Variants in MDN1 observed in about 807,000 individuals in gnomAD.
MDN1 encodes midasin.
Under a neutral mutation model 669.2 loss-of-function variants are expected in MDN1, and 266 were observed. That is an observed-to-expected ratio of 0.40 (90% CI 0.36 to 0.44). The LOEUF (loss-of-function observed/expected upper bound fraction) is 0.44, where lower values mean the gene tolerates loss of function less well. MDN1 is among the 20% of genes least tolerant of loss of function. The pLI, the probability that MDN1 is intolerant of heterozygous loss-of-function variation, is 1.00. For missense variants in MDN1, 5,940 were observed against 6,754.0 expected, an observed-to-expected ratio of 0.88 and a Z score of 4.22; for synonymous variants, 2,385 against 2,457.1, an observed-to-expected ratio of 0.97 and a Z score of 0.87.
intron 20 of MDN1, 56 bp from the exon 21 acceptor site, chr6:89,754,286 T>G (rs1469125990): frequency 6.5e-7 from 1 of 1,547,914 alleles, no homozygotes; most frequent in African/African-American, 1.4e-5. Context: ...TCCAGTATTA[T>G]CAATTCTCTA....
intron 15 of MDN1, 82 bp downstream of exon 15, chr6:89,771,479 G>A: frequency 8.2e-7 from 1 of 1,213,854 alleles, no homozygotes; most frequent in African/African-American, 1.5e-5. Context: ...TAGAACCTGT[G>A]GTTGTTAACA....
At chr6:89,797,208 A>G (rs1819653420) in intron 2 of MDN1, among the ~76,000 whole-genome samples, 2 of 151,786 alleles carry the variant, frequency 1.3e-5, no homozygotes, top group Admixed American at 1.3e-4. Context: ...CGTCTCTACT[A>G]AAAATACAAA....
At chr6:89,653,307 C>T (rs910915417) in intron 93 of MDN1, 152 bp from the exon 94 acceptor site, 3 of 740,976 alleles carry the variant, frequency 4.0e-6, no homozygotes, top group Non-Finnish European at 4.2e-6. Flanking sequence ...GGTTCTTTCT[C>T]TCTGAGACAC....
intron 5 of MDN1, among the ~76,000 whole-genome samples, chr6:89,790,848 C>G (rs930742497): frequency 3.3e-5 from 5 of 152,182 alleles, no homozygotes; most frequent in Non-Finnish European, 5.9e-5. Context: ...TGGTGAAACA[C>G]CATCTCTACT....
chr6:89,771,612 A>G lies in MDN1; in HGVS notation c.2093T>C (p.Leu698Ser). 1 of 1,613,928 alleles carries G rather than the reference A, an allele frequency of 6.2e-7. No individual in the cohort carries two copies. Among genetic ancestry groups the G allele is most frequent in the African/African-American group, 1.3e-5 (1 of 75,056 alleles). Reference protein sequence around the residue: ...QYLAHITGHRLRVVNMNQQSD... With the variant: ...QYLAHITGHRSRVVNMNQQSD... ...TTGTTGATTCATATTGACAACCCTCAAACGGTGGCCTTTTATAAAGAAAGT... is the reference window on the plus strand; with the variant it reads ...TTGTTGATTCATATTGACAACCCTCGAACGGTGGCCTTTTATAAAGAAAGT... Residue 698 changes from leucine to serine, a missense_variant, in exon 15 of 102, where the codon TTG becomes TCG. By Grantham distance (145) the Leu-to-Ser change is moderately radical. Coordinates refer to ENST00000369393, the MANE Select transcript of MDN1 (RefSeq NM_014611.3).
intron 1 of MDN1, among the ~76,000 whole-genome samples, chr6:89,816,905 A>C (rs576946207): frequency 6.6e-6 from 1 of 151,926 alleles, no homozygotes. Flanking sequence ...CGATCTCCTG[A>C]GCTTGTGATC....
In MDN1 at chr6:89,701,149, A is replaced by ACCAACC. The variant is rs552142287; in HGVS notation, c.8428-299_8428-294dup. ...TATGTGCGGGTTCCGCATCAATTCA[A>ACCAACC]CCAACCGTGGGTCGAAAATATTCAG... is the stretch of plus-strand genomic sequence containing the variant. On this transcript the variant is annotated intron_variant, in intron 55 of 101. Transcript: ENST00000369393. Among the ~76,000 whole-genome samples the ACCAACC allele has an allele frequency of 3.0e-4, 45 of 152,324 alleles. No individual in the cohort carries two copies. In the South Asian group the frequency reaches 9.3e-3, roughly 32 times the overall value.
chr6:89,818,825 G>A (rs889353531), intron 1 of MDN1, among the ~76,000 whole-genome samples: 15 of 150,430 alleles, frequency 1.0e-4, no homozygotes, highest in African/African-American at 3.7e-4. Context: ...AAAAAAAAGT[G>A]TCTTCAACTC....
chr6:89,674,031 C>T, intron 79 of MDN1, 73 bp downstream of exon 79: 1 of 1,402,352 alleles, frequency 7.1e-7, no homozygotes, highest in Non-Finnish European at 9.5e-7. Context: ...CCCTTCCCTT[C>T]CCACCCCCAA....
At position 89,706,197 on chromosome 6, in the gene MDN1, G is replaced by A. The variant is rs1584235418; in HGVS notation, c.8015-5C>T. On this transcript the variant is annotated splice_region_variant and splice_polypyrimidine_tract_variant and intron_variant, in intron 52 of 101. Coordinates refer to ENST00000369393, the MANE Select transcript of MDN1 (RefSeq NM_014611.3). ...GAGTGTGATAGCTTTCTGGATCTGA[G>A]AGTCAACATAAATAAAATGAGAACA... 3.1e-6 allele frequency: 5 copies of A among 1,604,968 alleles called. No individual in the cohort carries two copies. Among genetic ancestry groups the A allele is most frequent in the Non-Finnish European group, 4.3e-6 (5 of 1,176,338 alleles).
chr6:89,757,637 T>TA (rs1414451233), intron 19 of MDN1, among the ~76,000 whole-genome samples: 1 of 152,136 alleles, frequency 6.6e-6, no homozygotes, highest in African/African-American at 2.4e-5. Context: ...AAAGAGAATC[T>TA]AAAAACGAAG....
intron 29 of MDN1, 106 bp downstream of exon 29, chr6:89,745,159 AGAGGAAGG>A: frequency 2.6e-6 from 3 of 1,152,184 alleles, no homozygotes; most frequent in South Asian, 2.2e-5. Flanking sequence ...AAAAGAAAAA[AGAGGAAGG>A]AGGAAAGAAG....
intron 1 of MDN1, among the ~76,000 whole-genome samples, chr6:89,810,003 A>AT (rs1222925775): frequency 8.2e-5 from 10 of 121,792 alleles, no homozygotes; most frequent in South Asian, 2.7e-4. Context: ...TAAAAAAAAA[A>AT]AAAAAAAAAA....
At position 89,712,680 on chromosome 6, in the gene MDN1, G is replaced by A; in HGVS notation, c.7325C>T (p.Ala2442Val). The change falls in exon 48 of 102, where the codon GCT (alanine) becomes GTT (valine). Residue 2442 changes from alanine (A) to valine (V), a missense_variant. Coordinates refer to ENST00000369393, the MANE Select transcript of MDN1 (RefSeq NM_014611.3). ...GTGTGAATCTTCAGTAGCAAAGAGA[G>A]CTGAGGGCACAGAATCTGGCCACAG... The part of the protein sequence containing the change: ...MGLWPDSVPS[A>V]LFATEDSHLS... The A allele has an allele frequency of 2.5e-6, 4 of 1,614,074 alleles. No individual in the cohort carries two copies. The highest frequency in any genetic ancestry group is 3.4e-6 in the Non-Finnish European group (4 of 1,179,918).
chr6:89,727,309 T>C lies in MDN1; in HGVS notation c.5472+524A>G, dbSNP rs903564363. Among the ~76,000 whole-genome samples the C allele has an allele frequency of 2.6e-5, 4 of 152,188 alleles. No homozygotes were observed. The South Asian group carries it at 6.2e-4, about 24-fold the overall frequency. On this transcript the variant is annotated intron_variant, in intron 37 of 101. Transcript: ENST00000369393. ...AATATTTCTAGCCTTTTCCTGAATA[T>C]TGTACACCCCAAACTGACCCAGCTC... is the stretch of plus-strand genomic sequence containing the variant.
intron 2 of MDN1, among the ~76,000 whole-genome samples, chr6:89,797,352 G>A (rs193033792): frequency 4.3e-3 from 510 of 117,914 alleles, no homozygotes; most frequent in Non-Finnish European, 5.1e-3. Context: ...CCAGCCTGGC[G>A]ACAGAGCAAG....
At chr6:89,803,890 CTTTTCTTTT>C (rs1180973261) in intron 1 of MDN1, among the ~76,000 whole-genome samples, 1 of 93,224 alleles carries the variant, frequency 1.1e-5, no homozygotes, top group Non-Finnish European at 2.0e-5. Flanking sequence ...CTTTTCTTTT[CTTTTCTTTT>C]TTTTTTTTTT....
Position 89,648,154 on chromosome 6 carries a change from G to C in MDN1, c.16281-8C>G. ...TTTACAGATTCTCCAAAACTTGGGG[G>C]AGGAAAACCAAATACAACAGGAGTT... On this transcript the variant is annotated splice_polypyrimidine_tract_variant and splice_region_variant and intron_variant, in intron 98 of 101. Transcript: ENST00000369393. The C allele has an allele frequency of 6.2e-7, 1 of 1,611,438 alleles. No individual in the cohort carries two copies. The highest frequency in any genetic ancestry group is 8.5e-7 in the Non-Finnish European group (1 of 1,177,618).
intron 39 of MDN1, 142 bp from the exon 40 acceptor site, chr6:89,723,285 T>C: frequency 1.2e-6 from 1 of 868,460 alleles, no homozygotes; most frequent in Non-Finnish European, 1.8e-6. Flanking sequence ...TCTCAAGACT[T>C]CCAAATGCCT....
Sources: gnomAD v4.1 joint callset for allele counts (sites outside exome capture counted in the v4.1 genomes callset) on GRCh38, gnomAD v4.1.1 for gene constraint, MANE v1.5 for transcripts, NCBI Gene and HGNC (gene_info 2026-07-23, HGNC 2026-07-21) for gene names.